PARD3: variants seen among roughly 807,000 people sequenced by gnomAD.
PARD3 encodes the protein partitioning defective 3 homolog.
PARD3 carries 75 observed loss-of-function variants against 155.4 expected under a neutral mutation model. That is an observed-to-expected ratio of 0.48 (90% CI 0.40 to 0.58). The LOEUF (loss-of-function observed/expected upper bound fraction) is 0.58. Among genes scored for constraint, PARD3 ranks in the 20% least tolerant of loss-of-function variants. The pLI is 0.00. For synonymous variants in PARD3, 576 were observed against 610.5 expected (o/e 0.94, Z 0.83); for missense variants, 1,642 against 1,721.7 (o/e 0.95, Z 0.82).
intron 5 of PARD3, among the ~76,000 whole-genome samples, chr10:34,410,204 T>G (rs1441652999): frequency 6.6e-6 from 1 of 152,172 alleles, no homozygotes; most frequent in Non-Finnish European, 1.5e-5. Flanking sequence ...AAAGTTCAGT[T>G]AGAGTGATTA....
intron 2 of PARD3, among the ~76,000 whole-genome samples, chr10:34,681,632 T>G (rs1416194080): frequency 6.8e-6 from 1 of 146,300 alleles, no homozygotes; most frequent in Non-Finnish European, 1.5e-5. Flanking sequence ...TTATTATATA[T>G]AATATATATC....
intron 1 of PARD3, among the ~76,000 whole-genome samples, chr10:34,752,125 T>C (rs1836114681): frequency 6.6e-6 from 1 of 152,080 alleles, no homozygotes; most frequent in Admixed American, 6.5e-5. Flanking sequence ...TAACAATGTA[T>C]TTTTGTGGGG....
At chr10:34,439,641 G>A (rs1436252922) in intron 5 of PARD3, among the ~76,000 whole-genome samples, 1 of 151,904 alleles carries the variant, frequency 6.6e-6, no homozygotes, top group Admixed American at 6.6e-5. Context: ...ATTTTTAGTA[G>A]AGACAGGGTT....
intron 2 of PARD3, among the ~76,000 whole-genome samples, chr10:34,588,648 C>T (rs920564159): frequency 6.6e-6 from 1 of 152,120 alleles, no homozygotes; most frequent in African/African-American, 2.4e-5. Flanking sequence ...ATTCTCCTTG[C>T]TTGGGGCCAC....
intron 1 of PARD3, among the ~76,000 whole-genome samples, chr10:34,704,178 A>G (rs555076478): frequency 6.6e-6 from 1 of 152,288 alleles, no homozygotes; most frequent in African/African-American, 2.4e-5. Context: ...ATGCAACTAA[A>G]CACAGCAAGA....
chr10:34,718,333 A>G (rs1283665622), intron 1 of PARD3, among the ~76,000 whole-genome samples: 1 of 152,046 alleles, frequency 6.6e-6, no homozygotes, highest in Non-Finnish European at 1.5e-5. Context: ...TTCAATCAGG[A>G]GAAATCTTAG....
At chr10:34,365,464 T>C (rs1181168960) in intron 12 of PARD3, among the ~76,000 whole-genome samples, 1 of 152,228 alleles carries the variant, frequency 6.6e-6, no homozygotes, top group Non-Finnish European at 1.5e-5. Flanking sequence ...CACTAGAAGC[T>C]TCACAAGGTA....
chr10:34,344,730 T>A, intron 15 of PARD3: 1 of 985,426 alleles, frequency 1.0e-6, no homozygotes, highest in Non-Finnish European at 1.2e-6. Flanking sequence ...TCCATGATTG[T>A]GGAAATTCTG....
At chr10:34,409,178 C>T (rs996244788) in intron 5 of PARD3, among the ~76,000 whole-genome samples, 4 of 152,228 alleles carry the variant, frequency 2.6e-5, no homozygotes, top group African/African-American at 9.6e-5. Context: ...GATACATATA[C>T]AACATGACTC....
chr10:34,656,274 C>T (rs151133691), intron 2 of PARD3, among the ~76,000 whole-genome samples: 1 of 152,232 alleles, frequency 6.6e-6, no homozygotes, highest in Admixed American at 6.5e-5. Flanking sequence ...AAATGCATGT[C>T]AGTTCCACAT....
At chr10:34,742,540 G>A (rs1343126624) in intron 1 of PARD3, among the ~76,000 whole-genome samples, 1 of 152,116 alleles carries the variant, frequency 6.6e-6, no homozygotes, top group African/African-American at 2.4e-5. Context: ...TGTTCATTAA[G>A]TGTCCTGGAA....
rs1485745755 is a variant in PARD3 at position 34,250,153 on chromosome 10, CT to C, written c.3419+19503del. The stretch of plus-strand genomic sequence containing the variant: ...AAAGAATTAAAGAAAACTGCTCCCC[CT>C]CCACACACACACAGCTTTCCACAGC... On this transcript the variant is annotated intron_variant, in intron 22 of 24. Transcript: ENST00000374788. Among the ~76,000 whole-genome samples, 37 of 151,396 alleles carry C rather than the reference CT, an allele frequency of 2.4e-4. No homozygotes were observed. In the East Asian group the frequency reaches 2.9e-3, roughly 12 times the overall value.
intron 2 of PARD3, among the ~76,000 whole-genome samples, chr10:34,602,336 G>A (rs902283158): frequency 6.6e-6 from 1 of 151,914 alleles, no homozygotes; most frequent in African/African-American, 2.4e-5. Context: ...AAATATTGTA[G>A]ATCCACTAAT....
intron 12 of PARD3, among the ~76,000 whole-genome samples, chr10:34,369,316 GTTTATTTATTTATTT>G (rs1840338291): frequency 5.3e-5 from 3 of 56,164 alleles, no homozygotes; most frequent in African/African-American, 1.6e-4. Flanking sequence ...TTATTTATTT[GTTTATTTATTTATTT>G]ATTTATTTAT....
chr10:34,502,912 T>G (rs1277366049), intron 3 of PARD3, among the ~76,000 whole-genome samples: 1 of 152,156 alleles, frequency 6.6e-6, no homozygotes, highest in Non-Finnish European at 1.5e-5. Context: ...CATGCATATC[T>G]CTGCCCAGCT....
At chr10:34,238,212 T>C (rs1467585459) in intron 22 of PARD3, among the ~76,000 whole-genome samples, 7 of 152,210 alleles carry the variant, frequency 4.6e-5, no homozygotes, top group Non-Finnish European at 7.4e-5. Context: ...TTTCAGCAGC[T>C]GTCTTTCCTG....
chr10:34,396,116 G>A (rs1463661874), intron 7 of PARD3, among the ~76,000 whole-genome samples: 3 of 152,178 alleles, frequency 2.0e-5, no homozygotes, highest in Non-Finnish European at 4.4e-5. Flanking sequence ...TTGGGAGGCT[G>A]AGGCCGGCGG....
chr10:34,572,396 T>C (rs924338033), intron 2 of PARD3, among the ~76,000 whole-genome samples: 3 of 152,110 alleles, frequency 2.0e-5, no homozygotes, highest in Admixed American at 1.3e-4. Flanking sequence ...CCCAGCACTC[T>C]GGGAGGCCGA....
intron 7 of PARD3, among the ~76,000 whole-genome samples, chr10:34,386,564 T>G (rs1842365858): frequency 6.6e-6 from 1 of 152,180 alleles, no homozygotes; most frequent in Admixed American, 6.5e-5. Flanking sequence ...GGTTCACGCC[T>G]GTAATCCCAG....
Sources: gnomAD v4.1 joint callset for allele counts (sites outside exome capture counted in the v4.1 genomes callset) on GRCh38, gnomAD v4.1.1 for gene constraint, MANE v1.5 for transcripts, NCBI Gene and HGNC (gene_info 2026-07-23, HGNC 2026-07-21) for gene names.